Variants in RUNX1 observed in about 807,000 individuals in gnomAD.
The protein encoded by RUNX1 is runt-related transcription factor 1.
A neutral mutation model predicts 42.8 loss-of-function variants in RUNX1; 19 were observed. The observed-to-expected ratio is 0.44, with a 90% CI of 0.31 to 0.65. The LOEUF (loss-of-function observed/expected upper bound fraction) is 0.65. RUNX1 is among the 30% of genes least tolerant of loss of function. The pLI is 0.07. For missense variants in RUNX1, 528 were observed against 672.0 expected (o/e 0.79, Z 2.37); for synonymous variants, 271 against 289.4 (o/e 0.94, Z 0.64).
In RUNX1 at chr21:34,792,527, C is replaced by T. The variant is rs2145877492; in HGVS notation, c.1051G>A (p.Gly351Ser). The T allele has an allele frequency of 2.5e-6, 4 of 1,605,910 alleles. No individual in the cohort carries two copies. Among genetic ancestry groups the T allele is most frequent in the Non-Finnish European group, 3.4e-6 (4 of 1,176,382 alleles). The change falls in exon 9 of 9, where the codon GGC becomes AGC. Residue 351 changes from glycine (G) to serine (S), a missense_variant. Physicochemically the swap from Gly to Ser is moderately conservative, Grantham distance 56 (BLOSUM62 0). Around this residue, in one of 3 missense-constraint regions of RUNX1, gnomAD observed 331 missense variants for 382.5 expected, o/e 0.87. Coordinates refer to ENST00000675419, the MANE Select transcript of RUNX1 (RefSeq NM_001754.5). This position sits in a 1 kb window ranked among gnomAD's most constrained non-coding sequence, Gnocchi z 6.9. Reference protein sequence around the residue: ...SISDPRMHYPGAFTYSPTPVT... With the variant: ...SISDPRMHYPSAFTYSPTPVT... Reference sequence around the variant, plus strand: ...GGCGTCGGGGAGTAGGTGAAGGCGCCTGGATAGTGCATGCGGGGGTCGGAG... The same window carrying T: ...GGCGTCGGGGAGTAGGTGAAGGCGCTTGGATAGTGCATGCGGGGGTCGGAG...
At chr21:35,047,634 C>T (rs1276307509) in intron 2 of RUNX1, among the ~76,000 whole-genome samples, 3 of 151,036 alleles carry the variant, frequency 2.0e-5, no homozygotes, top group Non-Finnish European at 4.4e-5. Flanking sequence ...CGGAAACATA[C>T]AGCCCCGTGC....
At chr21:34,998,591 T>G (rs544884926) in intron 2 of RUNX1, among the ~76,000 whole-genome samples, 75 of 152,148 alleles carry the variant, frequency 4.9e-4, no homozygotes, top group Non-Finnish European at 7.7e-4. Flanking sequence ...ACCCAGGCTG[T>G]AGTGTAGTGG....
intron 7 of RUNX1, chr21:34,821,461 TC>T: frequency 7.2e-7 from 1 of 1,394,232 alleles, no homozygotes; most frequent in Non-Finnish European, 9.4e-7. Flanking sequence ...CTCACAATTG[TC>T]CCATGTGTTA....
At chr21:34,877,447 A>T (rs1316404258) in intron 5 of RUNX1, among the ~76,000 whole-genome samples, 1 of 152,094 alleles carries the variant, frequency 6.6e-6, no homozygotes. Context: ...AGAGCTCCCT[A>T]ACCCTCATCT....
At chr21:34,933,125 A>G (rs1435605802) in intron 2 of RUNX1, among the ~76,000 whole-genome samples, 1 of 152,208 alleles carries the variant, frequency 6.6e-6, no homozygotes, top group African/African-American at 2.4e-5. Flanking sequence ...TTTAATCAGG[A>G]TTGCAAAGCT....
chr21:34,967,212 T>C (rs1007968116), intron 2 of RUNX1, among the ~76,000 whole-genome samples: 10 of 144,666 alleles, frequency 6.9e-5, no homozygotes, highest in African/African-American at 1.6e-4. Context: ...CACAGCTACT[T>C]GGGAGGCTGA....
chr21:34,958,258 C>T (rs1054507934), intron 2 of RUNX1, among the ~76,000 whole-genome samples: 1 of 152,126 alleles, frequency 6.6e-6, no homozygotes, highest in Non-Finnish European at 1.5e-5. Context: ...CCCTCCCCTA[C>T]AGAGGCTCAG....
chr21:35,009,451 G>A (rs1053131877), intron 2 of RUNX1, among the ~76,000 whole-genome samples: 5 of 152,130 alleles, frequency 3.3e-5, no homozygotes, highest in African/African-American at 7.2e-5. Context: ...AAGTTTGGGC[G>A]GATTCTCCAA....
At chr21:34,851,131 T>C (rs1462776705) in intron 6 of RUNX1, among the ~76,000 whole-genome samples, 1 of 152,192 alleles carries the variant, frequency 6.6e-6, no homozygotes, top group African/African-American at 2.4e-5. Context: ...GATTACATGT[T>C]GGTGGCAGAG....
At chr21:34,821,840 C>A in intron 7 of RUNX1, 1 of 681,798 alleles carries the variant, frequency 1.5e-6, no homozygotes, top group East Asian at 2.9e-5. Context: ...ATAGGAATAA[C>A]AAGATTTCCC....
At chr21:34,948,113 C>CA (rs916050195) in intron 2 of RUNX1, among the ~76,000 whole-genome samples, 8 of 148,912 alleles carry the variant, frequency 5.4e-5, no homozygotes, top group African/African-American at 2.0e-4. Flanking sequence ...GGGGGGGTTT[C>CA]ACTTTTGAAA....
chr21:34,991,127 T>C (rs2058934233), intron 2 of RUNX1, among the ~76,000 whole-genome samples: 1 of 152,220 alleles, frequency 6.6e-6, no homozygotes, highest in African/African-American at 2.4e-5. Context: ...ACTGCTGCGC[T>C]GGCGAAGACC....
chr21:34,792,318 G>GCCCCCCCCCC lies in RUNX1; in HGVS notation c.1259_1260insGGGGGGGGGG (p.Glu422GlyfsTer181). The GCCCCCCCCCC allele has an allele frequency of 6.8e-7, 1 of 1,470,122 alleles. No homozygotes were observed. Among genetic ancestry groups the GCCCCCCCCCC allele is most frequent in the Non-Finnish European group, 9.1e-7 (1 of 1,099,466 alleles). The allele number at this position is 1,470,122 out of a possible 1,614,324, so 91.1% of individuals were successfully genotyped here. A position where few individuals can be genotyped will look rare whatever the true frequency, so the allele number is the denominator to read the frequency against. ...GGATGCGCGGCGGCGAGCGCTCGCC[G>GCCCCCCCCCC]CCCACCATGGAGAACTGGTAGGAGC... On this transcript the variant is annotated frameshift_variant, in exon 9 of 9. Transcript: ENST00000675419. LOFTEE classifies it high-confidence loss of function. This position sits in a 1 kb window ranked among gnomAD's most constrained non-coding sequence, Gnocchi z 6.9.
At chr21:35,043,344 G>A (rs981450051) in intron 2 of RUNX1, among the ~76,000 whole-genome samples, 27 of 152,168 alleles carry the variant, frequency 1.8e-4, no homozygotes, top group Admixed American at 1.5e-3. Context: ...GGAGGAGCAG[G>A]GGAGGCCGAG....
At chr21:34,932,252 TAATA>T (rs1343641648) in intron 2 of RUNX1, among the ~76,000 whole-genome samples, 4 of 152,314 alleles carry the variant, frequency 2.6e-5, no homozygotes, top group Non-Finnish European at 4.4e-5. Flanking sequence ...TAATATATGA[TAATA>T]AATTAATGAA....
chr21:35,047,635 A>G (rs954515287), intron 2 of RUNX1, among the ~76,000 whole-genome samples: 1 of 149,662 alleles, frequency 6.7e-6, no homozygotes, highest in Admixed American at 6.7e-5. Context: ...GGAAACATAC[A>G]GCCCCGTGCA....
At chr21:35,018,293 T>C (rs537257529) in intron 2 of RUNX1, among the ~76,000 whole-genome samples, 1 of 152,298 alleles carries the variant, frequency 6.6e-6, no homozygotes, top group East Asian at 1.9e-4. Context: ...CCCAAAGTGC[T>C]GGGATTATAG....
intron 7 of RUNX1, among the ~76,000 whole-genome samples, chr21:34,805,939 T>A (rs1054968762): frequency 6.6e-6 from 1 of 152,176 alleles, no homozygotes; most frequent in African/African-American, 2.4e-5. Flanking sequence ...TAGTTATACA[T>A]GTACTTTTCA....
chr21:34,974,620 A>C (rs918312729), intron 2 of RUNX1, among the ~76,000 whole-genome samples: 2 of 152,204 alleles, frequency 1.3e-5, no homozygotes, highest in African/African-American at 4.8e-5. Context: ...AATGTGGTGT[A>C]GATGAAGACA....
Sources: allele counts gnomAD v4.1 joint callset (sites outside exome capture counted in the v4.1 genomes callset), GRCh38; gene constraint gnomAD v4.1.1; regional missense constraint gnomAD v4.1.1; non-coding constraint Gnocchi (gnomAD v3.1); transcripts MANE v1.5; gene names NCBI Gene and HGNC (gene_info 2026-07-23, HGNC 2026-07-21).